The following HECW2 variants were observed in gnomAD, a reference collection of about 807,000 sequenced individuals.
HECW2 encodes HECT, C2 and WW domain containing E3 ubiquitin protein ligase 2.
A neutral mutation model predicts 175.2 loss-of-function variants in HECW2; 61 were observed. That is an observed-to-expected ratio of 0.35 (90% CI 0.28 to 0.43). The LOEUF (loss-of-function observed/expected upper bound fraction) is 0.43. HECW2 is among the 20% of genes least tolerant of loss of function. The pLI, the probability that HECW2 is intolerant of heterozygous loss-of-function variation, is 1.00. For synonymous variants in HECW2, 671 were observed against 731.0 expected (o/e 0.92, Z 1.32); for missense variants, 1,524 against 2,000.5 (o/e 0.76, Z 4.54).
In HECW2 at chr2:196,222,356, G is replaced by A; in HGVS notation, c.4017-16C>T. 1.2e-6 allele frequency: 2 copies of A among 1,609,632 alleles called. No individual in the cohort carries two copies. The highest frequency in any genetic ancestry group is 1.3e-5 in the African/African-American group (1 of 74,860). On this transcript the variant is annotated splice_polypyrimidine_tract_variant and intron_variant, in intron 23 of 28. Coordinates refer to ENST00000644978, the MANE Select transcript of HECW2 (RefSeq NM_001348768.2). ...GTCACATAGACTAAGATGACAAACA[G>A]ACAGAAACAAATATGTAGGCATGGC...
intron 13 of HECW2, among the ~76,000 whole-genome samples, chr2:196,293,919 G>A (rs1203833595): frequency 6.6e-6 from 1 of 152,186 alleles, no homozygotes; most frequent in Non-Finnish European, 1.5e-5. Context: ...ACACTCAACT[G>A]AGATCACAAT....
chr2:196,322,546 G>T lies in HECW2; in HGVS notation c.816C>A (p.Pro272=). The change falls in exon 7 of 29, where the codon CCC becomes CCA. Residue 272 remains proline (P), a synonymous_variant. Transcript: ENST00000644978. ...GTTTCCCCAGAAAACGCTTGATGAT[G>T]GGACGGCTCTTGGCAAATTTGTCTT... is the stretch of plus-strand genomic sequence containing the variant. The part of the protein sequence containing the change: ...EIKDKFAKSR[P]IIKRFLGKLT... The T allele has an allele frequency of 6.2e-7, 1 of 1,613,850 alleles. No homozygotes were observed. The highest frequency in any genetic ancestry group is 8.5e-7 in the Non-Finnish European group (1 of 1,179,784).
chr2:196,538,190 G>T (rs1378874654), intron 1 of HECW2, among the ~76,000 whole-genome samples: 1 of 152,142 alleles, frequency 6.6e-6, no homozygotes, highest in Non-Finnish European at 1.5e-5. Context: ...AAAACGATTT[G>T]ACCTGAGGCA....
chr2:196,195,297 T>C lies in HECW2; in HGVS notation c.*5980A>G, dbSNP rs1686650760. 6.6e-6 allele frequency: 1 copy of C among 152,202 alleles called. No individual in the cohort carries two copies. 9.4% of individuals were successfully genotyped at this position (152,202 alleles called of 1,614,324 possible). ...CTGCATCAGTAATAGCTGATTCAGTTTGAATCACACAACACGGCTATCCAC... is the reference window on the plus strand; with the variant it reads ...CTGCATCAGTAATAGCTGATTCAGTCTGAATCACACAACACGGCTATCCAC... On this transcript the variant is annotated 3_prime_UTR_variant, in exon 29 of 29. Transcript: ENST00000644978.
At chr2:196,290,195 C>T (rs1690555271) in intron 14 of HECW2, 1 of 152,108 alleles carries the variant, frequency 6.6e-6, no homozygotes, top group African/African-American at 2.4e-5. Context: ...AGTTGTAAGA[C>T]CCAGATTAGT....
chr2:196,522,261 T>G (rs1484233884), intron 1 of HECW2, among the ~76,000 whole-genome samples: 1 of 152,220 alleles, frequency 6.6e-6, no homozygotes, highest in African/African-American at 2.4e-5. Flanking sequence ...TCATGTGTTT[T>G]TTGGCTGCAT....
intron 1 of HECW2, among the ~76,000 whole-genome samples, chr2:196,590,617 C>T (rs1252869716): frequency 6.6e-6 from 1 of 152,200 alleles, no homozygotes; most frequent in Non-Finnish European, 1.5e-5. Flanking sequence ...CAGATACCAA[C>T]CATATAGACT....
intron 2 of HECW2, among the ~76,000 whole-genome samples, chr2:196,391,381 A>G (rs935124261): frequency 6.6e-6 from 1 of 152,190 alleles, no homozygotes; most frequent in African/African-American, 2.4e-5. Flanking sequence ...AAATGATCTA[A>G]GTTGAGATGG....
intron 1 of HECW2, among the ~76,000 whole-genome samples, chr2:196,521,670 C>A (rs1179759597): frequency 1.5e-5 from 2 of 136,914 alleles, no homozygotes; most frequent in Non-Finnish European, 3.1e-5. Context: ...GTTTGATATT[C>A]CCCTTCCTGT....
At chr2:196,393,658 G>A (rs1463063394) in intron 2 of HECW2, among the ~76,000 whole-genome samples, 2 of 152,192 alleles carry the variant, frequency 1.3e-5, no homozygotes, top group South Asian at 2.1e-4. Context: ...GAAACAACAG[G>A]TGCTGGAGAG....
At chr2:196,358,874 C>T (rs997776377) in intron 2 of HECW2, among the ~76,000 whole-genome samples, 1 of 152,160 alleles carries the variant, frequency 6.6e-6, no homozygotes, top group Non-Finnish European at 1.5e-5. Context: ...AACTATGCCA[C>T]TAAGAGCATA....
intron 1 of HECW2, among the ~76,000 whole-genome samples, chr2:196,470,116 T>A (rs1457775621): frequency 6.6e-6 from 1 of 152,170 alleles, no homozygotes; most frequent in Non-Finnish European, 1.5e-5. Context: ...ATTTATATTC[T>A]GTTTTATAAC....
intron 1 of HECW2, among the ~76,000 whole-genome samples, chr2:196,541,979 A>G (rs529227473): frequency 1.8e-4 from 28 of 152,190 alleles, no homozygotes; most frequent in African/African-American, 6.5e-4. Flanking sequence ...AAAAAGACAA[A>G]GGTGCCAGGC....
At chr2:196,438,649 T>G (rs772181985) in intron 1 of HECW2, among the ~76,000 whole-genome samples, 1 of 152,230 alleles carries the variant, frequency 6.6e-6, no homozygotes, top group Non-Finnish European at 1.5e-5. Context: ...AATAATGTGC[T>G]AATAACCAAG....
At chr2:196,520,876 G>A (rs1315089881) in intron 1 of HECW2, among the ~76,000 whole-genome samples, 4 of 152,092 alleles carry the variant, frequency 2.6e-5, no homozygotes, top group South Asian at 2.1e-4. Context: ...AACTCACCAC[G>A]TATAAGACAT....
chr2:196,385,903 A>G (rs1694332847), intron 2 of HECW2, among the ~76,000 whole-genome samples: 1 of 152,208 alleles, frequency 6.6e-6, no homozygotes, highest in Non-Finnish European at 1.5e-5. Flanking sequence ...CATTGAATGT[A>G]AAATGCCTCA....
At chr2:196,377,408 C>T (rs896828216) in intron 2 of HECW2, among the ~76,000 whole-genome samples, 2 of 152,208 alleles carry the variant, frequency 1.3e-5, no homozygotes, top group African/African-American at 2.4e-5. Flanking sequence ...AGAGGTTTAA[C>T]TGACTCACAG....
chr2:196,422,255 A>G (rs1695426468), intron 2 of HECW2, among the ~76,000 whole-genome samples: 1 of 152,172 alleles, frequency 6.6e-6, no homozygotes, highest in Non-Finnish European at 1.5e-5. Flanking sequence ...CTACTATGGG[A>G]GAGACACTGA....
At chr2:196,406,275 A>G (rs1327502079) in intron 2 of HECW2, among the ~76,000 whole-genome samples, 1 of 152,074 alleles carries the variant, frequency 6.6e-6, no homozygotes, top group East Asian at 1.9e-4. Flanking sequence ...CTCATTCCCC[A>G]TAATTACTTT....
Sources: gnomAD v4.1 joint callset for allele counts (sites outside exome capture counted in the v4.1 genomes callset) on GRCh38, gnomAD v4.1.1 for gene constraint, MANE v1.5 for transcripts, NCBI Gene and HGNC (gene_info 2026-07-23, HGNC 2026-07-21) for gene names.